REM2: variants seen among roughly 807,000 people sequenced by gnomAD.
The protein encoded by REM2 is GTP-binding protein REM 2.
A neutral mutation model predicts 24.4 loss-of-function variants in REM2; 24 were observed. That is an observed-to-expected ratio of 0.98 (90% confidence interval 0.71 to 1.38). The LOEUF (loss-of-function observed/expected upper bound fraction) is 1.38. Ranked by LOEUF, REM2 falls within the 40% of genes most tolerant of loss-of-function variation. REM2 has a pLI of 0.00. For synonymous variants in REM2, 187 were observed against 198.0 expected (o/e 0.94, Z 0.47); for missense variants, 429 against 467.8 (o/e 0.92, Z 0.77).
Position 22,886,630 on chromosome 14 carries a change from C to A in REM2, c.744C>A (p.Ala248=). 6.9e-7 allele frequency: 1 copy of A among 1,453,570 alleles called. No individual in the cohort carries two copies. The highest frequency in any genetic ancestry group is 9.1e-7 in the Non-Finnish European group (1 of 1,102,170). The allele number at this position is 1,453,570 out of a possible 1,614,324, so 90.0% of individuals were successfully genotyped here. Residue 248 remains alanine (A), a synonymous_variant, in exon 5 of 5, where the codon GCC becomes GCA. Transcript: ENST00000267396. The surrounding 1 kb of genome is among the most constrained non-coding windows in gnomAD (Gnocchi z 5.9). ...EVSLEEGRHL[A]GTLSCKHIET... is the part of the protein sequence containing the mutation. ...TTCCTGCAGAGGGCCGCCACCTGGC[C>A]GGGACGCTGAGCTGCAAGCACATCG...
Position 22,883,347 on chromosome 14 carries a change from CT to C in REM2, c.61del (p.Ser21LeufsTer21), listed in dbSNP as rs770412119. The C allele has an allele frequency of 6.4e-7, 1 of 1,559,554 alleles. No individual in the cohort carries two copies. The highest frequency in any genetic ancestry group is 8.7e-7 in the Non-Finnish European group (1 of 1,152,108). ...MDTETTALCP[S>X]GSRRASPPGT... ...ACACAGAAACCACAGCACTCTGCCC[CT>C]CTGGCAGCCGCCGGGCCTCCCCTCC... is the stretch of plus-strand genomic sequence containing the variant. On this transcript the variant is annotated frameshift_variant, in exon 1 of 5. Coordinates refer to ENST00000267396, the MANE Select transcript of REM2 (RefSeq NM_173527.3). LOFTEE classifies it high-confidence loss of function.
Position 22,885,421 on chromosome 14 carries a change from G to A in REM2, c.519+82G>A, listed in dbSNP as rs1374082891. 16 of 1,030,106 alleles carry A rather than the reference G, an allele frequency of 1.6e-5. No individual in the cohort carries two copies. The Admixed American group carries it at 2.8e-4, about 18-fold the overall frequency. The allele number at this position is 1,030,106 out of a possible 1,614,324, so 63.8% of individuals were successfully genotyped here. On this transcript the variant is annotated intron_variant, in intron 3 of 4. Coordinates refer to ENST00000267396, the MANE Select transcript of REM2 (RefSeq NM_173527.3). ...GCAAAGTCTGGCTGAAGGCTGGTGG[G>A]ACTGCTGGTCCTGGTTTCCACATGT...
chr14:22,884,930 G>C lies in REM2; in HGVS notation c.360G>C (p.Val120=), dbSNP rs199812869. The C allele has an allele frequency of 2.8e-5, 45 of 1,604,488 alleles. 1 individual carries two copies. The highest frequency in any genetic ancestry group is 3.6e-5 in the Non-Finnish European group (42 of 1,173,198). The change falls in exon 2 of 5, where the codon GTG becomes GTC. Residue 120 remains valine (V), a synonymous_variant. Coordinates refer to ENST00000267396, the MANE Select transcript of REM2 (RefSeq NM_173527.3). ...ATGGCATCTTCAAGGTCATGCTAGTGGGGGAGAGCGGCGTGGGCAAGAGCA... is the reference window on the plus strand; with the variant it reads ...ATGGCATCTTCAAGGTCATGCTAGTCGGGGAGAGCGGCGTGGGCAAGAGCA... The part of the protein sequence containing the change: ...QKDGIFKVML[V]GESGVGKSTL...
At position 22,886,458 on chromosome 14, in the gene REM2, C is replaced by T; in HGVS notation, c.728-156C>T. Reference sequence around the variant, plus strand: ...CTCCTTCTCCCTCTCCTTCGCACCTCCACAGACCCACCATATGAGCTCAGC... The same window carrying T: ...CTCCTTCTCCCTCTCCTTCGCACCTTCACAGACCCACCATATGAGCTCAGC... On this transcript the variant is annotated intron_variant, in intron 4 of 4. Transcript: ENST00000267396. The surrounding 1 kb of genome is among the most constrained non-coding windows in gnomAD (Gnocchi z 5.9). The T allele has an allele frequency of 1.3e-6, 1 of 771,456 alleles. No individual in the cohort carries two copies. The highest frequency in any genetic ancestry group is 2.0e-6 in the Non-Finnish European group (1 of 490,338). The allele number at this position is 771,456 out of a possible 1,614,324, so 47.8% of individuals were successfully genotyped here.
chr14:22,886,499 G>A lies in REM2; in HGVS notation c.728-115G>A. Reference sequence around the variant, plus strand: ...TGAGCTCAGCCATGTTCTCTCGGTTGCAAGATTCACTAGTACCAATCCCTT... The same window carrying A: ...TGAGCTCAGCCATGTTCTCTCGGTTACAAGATTCACTAGTACCAATCCCTT... On this transcript the variant is annotated intron_variant, in intron 4 of 4. Transcript: ENST00000267396. The surrounding 1 kb of genome is among the most constrained non-coding windows in gnomAD (Gnocchi z 5.9). 1.0e-6 allele frequency: 1 copy of A among 988,352 alleles called. No individual in the cohort carries two copies. Among genetic ancestry groups the A allele is most frequent in the Non-Finnish European group, 1.4e-6 (1 of 690,526 alleles). The allele number at this position is 988,352 out of a possible 1,614,324, so 61.2% of individuals were successfully genotyped here.
Position 22,886,967 on chromosome 14 carries a change from C to G in REM2, c.*58C>G, listed in dbSNP as rs986346801. Reference sequence around the variant, plus strand: ...GGTCACCGCGCCCTCCGCTCGCCCCCCCTCGCCCCGCCCCGCCCCCGTCCG... The same window carrying G: ...GGTCACCGCGCCCTCCGCTCGCCCCGCCTCGCCCCGCCCCGCCCCCGTCCG... On this transcript the variant is annotated 3_prime_UTR_variant, in exon 5 of 5. Coordinates refer to ENST00000267396, the MANE Select transcript of REM2 (RefSeq NM_173527.3). The surrounding 1 kb of genome is among the most constrained non-coding windows in gnomAD (Gnocchi z 5.9). 1.8e-5 allele frequency: 23 copies of G among 1,314,108 alleles called. No homozygotes were observed. Among genetic ancestry groups the G allele is most frequent in the Non-Finnish European group, 2.0e-5 (20 of 1,002,728 alleles). 81.4% of individuals were successfully genotyped at this position (1,314,108 alleles called of 1,614,324 possible).
rs1239043502 is a variant in REM2 at position 22,883,380 on chromosome 14, G to A, written c.93G>A (p.Thr31=). Residue 31 remains threonine (T), a synonymous_variant, in exon 1 of 5, where the codon ACG becomes ACA. Transcript: ENST00000267396. ...GCCGCCGGGCCTCCCCTCCAGGGAC[G>A]CCCACACCAGGTGAGGGCTAACCTG... ...SGSRRASPPG[T]PTPEADATLL... is the part of the protein sequence containing the mutation. 19 of 1,553,362 alleles carry A rather than the reference G, an allele frequency of 1.2e-5. No individual in the cohort carries two copies. The highest frequency in any genetic ancestry group is 1.7e-4 in the Middle Eastern group (1 of 6,008).
At position 22,887,443 on chromosome 14, in the gene REM2, C is replaced by CA. The variant is rs1233855563; in HGVS notation, c.*535dup. Reference sequence around the variant, plus strand: ...GCTCTCATCTGGTGCGGCATGTGTCCACTTTGCCTTTAAGGAGTTCTTAAA... The same window carrying CA: ...GCTCTCATCTGGTGCGGCATGTGTCCAACTTTGCCTTTAAGGAGTTCTTAAA... On this transcript the variant is annotated 3_prime_UTR_variant, in exon 5 of 5. Transcript: ENST00000267396. The CA allele has an allele frequency of 6.6e-6, 1 of 152,138 alleles. No individual in the cohort carries two copies. The highest frequency in any genetic ancestry group is 1.5e-5 in the Non-Finnish European group (1 of 68,026). 9.4% of individuals were successfully genotyped at this position (152,138 alleles called of 1,614,324 possible). A position where few individuals can be genotyped will look rare whatever the true frequency, so the allele number is the denominator to read the frequency against.
Position 22,887,085 on chromosome 14 carries a change from T to C in REM2, c.*176T>C. 2.1e-6 allele frequency: 1 copy of C among 475,344 alleles called. No homozygotes were observed. The allele number at this position is 475,344 out of a possible 1,614,324, so 29.4% of individuals were successfully genotyped here. Reference sequence around the variant, plus strand: ...CGGCCCGGGGCCGCTCGGCGGCACCTCCACACCCGCCCCAACGCGTTCTCT... The same window carrying C: ...CGGCCCGGGGCCGCTCGGCGGCACCCCCACACCCGCCCCAACGCGTTCTCT... On this transcript the variant is annotated 3_prime_UTR_variant, in exon 5 of 5. Coordinates refer to ENST00000267396, the MANE Select transcript of REM2 (RefSeq NM_173527.3).
intron 1 of REM2, chr14:22,884,049 C>A (rs867384677): frequency 1.0e-6 from 1 of 985,138 alleles, no homozygotes; most frequent in Non-Finnish European, 1.2e-6. Context: ...TACAGGGCCA[C>A]GGGAAGCAGC....
In REM2 at chr14:22,886,748, G is replaced by A; in HGVS notation, c.862G>A (p.Gly288Ser). ...GCGGCGGGGCCGAAACCACGCCGGA[G>A]GCCAGAGGCCCGATCCGGGCAGCCC... ...RLRRGRNHAGGQRPDPGSPEG... is the reference protein window; with the variant it reads ...RLRRGRNHAGSQRPDPGSPEG... The change falls in exon 5 of 5, where the codon GGC becomes AGC. Residue 288 changes from glycine to serine, a missense_variant. Transcript: ENST00000267396. This position sits in a 1 kb window ranked among gnomAD's most constrained non-coding sequence, Gnocchi z 5.9. 6.5e-7 allele frequency: 1 copy of A among 1,537,604 alleles called. No individual in the cohort carries two copies. The highest frequency in any genetic ancestry group is 8.8e-7 in the Non-Finnish European group (1 of 1,142,480).
In REM2 at chr14:22,886,818, A is replaced by G; in HGVS notation, c.932A>G (p.Lys311Arg). Residue 311 changes from lysine to arginine, a missense_variant, in exon 5 of 5, where the codon AAA (lysine) becomes AGA (arginine). Coordinates refer to ENST00000267396, the MANE Select transcript of REM2 (RefSeq NM_173527.3). The surrounding 1 kb of genome is among the most constrained non-coding windows in gnomAD (Gnocchi z 5.9). ...GCACGCCGCGAGAGCCTCACCAAGA[A>G]AGCCAAGAGGTTCCTCGCCAACCTG... is the stretch of plus-strand genomic sequence containing the variant. ...PPARRESLTK[K>R]AKRFLANLVP... 1 of 1,549,130 alleles carries G rather than the reference A, an allele frequency of 6.5e-7. No homozygotes were observed. The highest frequency in any genetic ancestry group is 8.7e-7 in the Non-Finnish European group (1 of 1,146,374).
At position 22,886,324 on chromosome 14, in the gene REM2, C is replaced by A. The variant is rs1206244190; in HGVS notation, c.727+93C>A. 7.6e-6 allele frequency: 9 copies of A among 1,176,542 alleles called. No individual in the cohort carries two copies. In the African/African-American group the frequency reaches 1.1e-4, roughly 14 times the overall value. The allele number at this position is 1,176,542 out of a possible 1,614,324, so 72.9% of individuals were successfully genotyped here. On this transcript the variant is annotated intron_variant, in intron 4 of 4. Coordinates refer to ENST00000267396, the MANE Select transcript of REM2 (RefSeq NM_173527.3). This position sits in a 1 kb window ranked among gnomAD's most constrained non-coding sequence, Gnocchi z 5.9. Reference sequence around the variant, plus strand: ...TCTCCCTAAGGCCTTTTTACCATCGCGGACGCACTCACTTGCAATCAGACC... The same window carrying A: ...TCTCCCTAAGGCCTTTTTACCATCGAGGACGCACTCACTTGCAATCAGACC...
intron 1 of REM2, 75 bp downstream of exon 1, chr14:22,883,465 C>A: frequency 7.4e-7 from 1 of 1,350,816 alleles, no homozygotes; most frequent in Non-Finnish European, 1.0e-6. Flanking sequence ...GAGGTCAGAA[C>A]TAGGGGTTGA....
In REM2 at chr14:22,886,105, C is replaced by G. The variant is rs750231268; in HGVS notation, c.601C>G (p.Arg201Gly). ...FLIVFSVTDR[R>G]SFSKVPETLL... ...CATCGTCTTCTCAGTCACCGACCGA[C>G]GGAGTTTCTCCAAAGTTCCAGAGAC... The change falls in exon 4 of 5, where the codon CGG becomes GGG. Residue 201 changes from arginine (R) to glycine (G), a missense_variant. Physicochemically the swap from Arg to Gly is moderately radical, Grantham distance 125. Coordinates refer to ENST00000267396, the MANE Select transcript of REM2 (RefSeq NM_173527.3). This position sits in a 1 kb window ranked among gnomAD's most constrained non-coding sequence, Gnocchi z 5.9. The G allele has an allele frequency of 9.3e-6, 15 of 1,613,868 alleles. No homozygotes were observed. Among genetic ancestry groups the G allele is most frequent in the Non-Finnish European group, 1.3e-5 (15 of 1,179,896 alleles).
Position 22,886,697 on chromosome 14 carries a change from G to T in REM2, c.811G>T (p.Glu271Ter), listed in dbSNP as rs573430135. 2.7e-6 allele frequency: 4 copies of T among 1,503,980 alleles called. No homozygotes were observed. In the East Asian group the frequency reaches 7.5e-5, roughly 28 times the overall value. 93.2% of individuals were successfully genotyped at this position (1,503,980 alleles called of 1,614,324 possible). Residue 271 changes from glutamate (E) to a stop codon, truncating the protein, a stop_gained, in exon 5 of 5, where the codon GAG (glutamate) becomes TAG (stop). Transcript: ENST00000267396. LOFTEE classifies it low-confidence loss of function (END_TRUNC). This position sits in a 1 kb window ranked among gnomAD's most constrained non-coding sequence, Gnocchi z 5.9. ...ALHHNTRELF[E>*]GAVRQIRLRR... ...GCACCACAACACGAGGGAGCTCTTC[G>T]AGGGCGCGGTGCGCCAGATCCGGCT...
intron 1 of REM2, chr14:22,884,314 C>G: frequency 1.0e-6 from 1 of 985,432 alleles, no homozygotes; most frequent in Non-Finnish European, 1.2e-6. Flanking sequence ...TTCCCCAAAC[C>G]TCCCCCAACT....
At position 22,886,876 on chromosome 14, in the gene REM2, C is replaced by T. The variant is rs1359378203; in HGVS notation, c.990C>T (p.Arg330=). 6.5e-7 allele frequency: 1 copy of T among 1,539,168 alleles called. No homozygotes were observed. The highest frequency in any genetic ancestry group is 1.4e-5 in the African/African-American group (1 of 71,934). Residue 330 remains arginine (R), a synonymous_variant, in exon 5 of 5, where the codon CGC becomes CGT. Transcript: ENST00000267396. This position sits in a 1 kb window ranked among gnomAD's most constrained non-coding sequence, Gnocchi z 5.9. ...GCAACGCCAAGTTCTTCAAGCAGCG[C>T]TCCAGGTCGTGTCACGACCTCTCGG... is the stretch of plus-strand genomic sequence containing the variant. ...VPRNAKFFKQ[R]SRSCHDLSVL
Position 22,885,003 on chromosome 14 carries a change from C to G in REM2, c.433C>G (p.Pro145Ala), listed in dbSNP as rs1465943474. 8 of 1,533,732 alleles carry G rather than the reference C, an allele frequency of 5.2e-6. No individual in the cohort carries two copies. Among genetic ancestry groups the G allele is most frequent in the Middle Eastern group, 1.8e-4 (1 of 5,676 alleles). The change falls in exon 2 of 5, where the codon CCG (proline) becomes GCG (alanine). Residue 145 changes from proline to alanine, a missense_variant. By Grantham distance (27) the Pro-to-Ala change is conservative. Coordinates refer to ENST00000267396, the MANE Select transcript of REM2 (RefSeq NM_173527.3). ...TCTCCAGGGAGACAGTGCTCACGAA[C>G]CGGAGAACCCAGGTATTTGGGGAAG... ...GGLQGDSAHEPENPEDTYERR... is the reference protein window; with the variant it reads ...GGLQGDSAHEAENPEDTYERR...
Sources: allele counts gnomAD v4.1 joint callset, GRCh38; gene constraint gnomAD v4.1.1; non-coding constraint Gnocchi (gnomAD v3.1); transcripts MANE v1.5; gene names NCBI Gene and HGNC (gene_info 2026-07-23, HGNC 2026-07-21).